The following OTUB1 variants were observed in gnomAD, a reference collection of about 807,000 sequenced individuals.
OTUB1 encodes the protein OTU deubiquitinase, ubiquitin aldehyde binding 1.
Under a neutral mutation model 35.8 loss-of-function variants are expected in OTUB1, and 10 were observed. The observed-to-expected ratio is 0.28, with a 90% CI of 0.17 to 0.47. The LOEUF is 0.47. Ranked by LOEUF, OTUB1 falls within the 20% of genes least tolerant of loss-of-function variation. The probability of loss-of-function intolerance (pLI) is 0.99; values close to 1 mark genes in which losing one functional copy is unlikely to be tolerated. For synonymous variants in OTUB1, 158 were observed against 143.8 expected (o/e 1.10, Z -0.71); for missense variants, 264 against 351.6 (o/e 0.75, Z 1.99).
intron 3 of OTUB1, among the ~76,000 whole-genome samples, chr11:63,995,336 A>C (rs1413297519): frequency 6.6e-6 from 1 of 152,148 alleles, no homozygotes; most frequent in Non-Finnish European, 1.5e-5. Flanking sequence ...AGCTGGGATT[A>C]CAGGCATGCA....
chr11:63,992,555 T>A (rs1483754340), intron 3 of OTUB1, among the ~76,000 whole-genome samples: 1 of 151,702 alleles, frequency 6.6e-6, no homozygotes, highest in Non-Finnish European at 1.5e-5. Context: ...TTTTCTTTTT[T>A]TTTGAGAGAG....
chr11:63,994,244 A>G (rs1389511570), intron 3 of OTUB1, among the ~76,000 whole-genome samples: 1 of 152,132 alleles, frequency 6.6e-6, no homozygotes, highest in African/African-American at 2.4e-5. Context: ...CTAAGTGTGC[A>G]GTGACTGTTT....
intron 3 of OTUB1, chr11:63,989,031 A>C (rs1399194384): frequency 1.8e-5 from 6 of 332,422 alleles, no homozygotes; most frequent in Non-Finnish European, 3.3e-5. Flanking sequence ...AAAAAAAAAA[A>C]GGTGGGGGGC....
chr11:63,990,916 A>T (rs1368721631), intron 3 of OTUB1, among the ~76,000 whole-genome samples: 10 of 152,326 alleles, frequency 6.6e-5, no homozygotes, highest in African/African-American at 1.9e-4. Context: ...GAGAAGCCAG[A>T]GGTAACCACA....
At position 63,997,654 on chromosome 11, in the gene OTUB1, T is replaced by G; in HGVS notation, c.*108T>G. The G allele has an allele frequency of 1.1e-6, 1 of 886,770 alleles. No individual in the cohort carries two copies. Among genetic ancestry groups the G allele is most frequent in the Non-Finnish European group, 1.8e-6 (1 of 547,542 alleles). The allele number at this position is 886,770 out of a possible 1,614,324, so 54.9% of individuals were successfully genotyped here. ...TGGTCCTATTTCACCCCCTTCTTCC[T>G]GTCACATGACCCCCCCCCATGTTTT... On this transcript the variant is annotated 3_prime_UTR_variant, in exon 7 of 7. Transcript: ENST00000538426.
At chr11:63,993,255 G>T (rs1263403780) in intron 3 of OTUB1, among the ~76,000 whole-genome samples, 1 of 152,226 alleles carries the variant, frequency 6.6e-6, no homozygotes, top group Non-Finnish European at 1.5e-5. Flanking sequence ...GATCTCAGCT[G>T]CACTCAGTGG....
At position 63,998,325 on chromosome 11, in the gene OTUB1, TC is replaced by T; in HGVS notation, c.*783del. ...GCCTTTTTGCCTTCACCTCTTTTCT[TC>T]CCCGCCCCCTGCACATTCGGGGTCT... On this transcript the variant is annotated 3_prime_UTR_variant, in exon 7 of 7. Transcript: ENST00000538426. 1 of 170,826 alleles carries T rather than the reference TC, an allele frequency of 5.9e-6. No homozygotes were observed. The highest frequency in any genetic ancestry group is 1.3e-5 in the Non-Finnish European group (1 of 79,098). The allele number at this position is 170,826 out of a possible 1,614,324, so 10.6% of individuals were successfully genotyped here. A position where few individuals can be genotyped will look rare whatever the true frequency, so the allele number is the denominator to read the frequency against.
chr11:63,997,907 A>C lies in OTUB1; in HGVS notation c.*361A>C, dbSNP rs938982062. The C allele has an allele frequency of 1.0e-5, 6 of 601,912 alleles. No individual in the cohort carries two copies. Among genetic ancestry groups the C allele is most frequent in the African/African-American group, 7.4e-5 (4 of 53,710 alleles). The allele number at this position is 601,912 out of a possible 1,614,324, so 37.3% of individuals were successfully genotyped here. ...CTTCTTAGCTGGCTCAGGGGCTTCTATGGGATCCTGGAAGTTCCTTAGGGA... is the reference window on the plus strand; with the variant it reads ...CTTCTTAGCTGGCTCAGGGGCTTCTCTGGGATCCTGGAAGTTCCTTAGGGA... On this transcript the variant is annotated 3_prime_UTR_variant, in exon 7 of 7. Coordinates refer to ENST00000538426, the MANE Select transcript of OTUB1 (RefSeq NM_017670.3).
intron 1 of OTUB1, chr11:63,986,876 C>G (rs1942625818): frequency 8.7e-6 from 2 of 231,110 alleles, no homozygotes. Flanking sequence ...ACGCCAGGGC[C>G]GAGCCCCCCG....
chr11:63,986,548 T>C, intron 1 of OTUB1, 34 bp downstream of exon 1: 1 of 1,492,948 alleles, frequency 6.7e-7, no homozygotes, highest in Non-Finnish European at 9.1e-7. Context: ...CGGCCCGGGC[T>C]AGTGGGGGCG....
chr11:63,988,191 C>T, intron 1 of OTUB1, 146 bp from the exon 2 acceptor site: 2 of 620,018 alleles, frequency 3.2e-6, no homozygotes, highest in Non-Finnish European at 5.7e-6. Context: ...AGGAGAATTG[C>T]TTGCATCTGG....
intron 3 of OTUB1, chr11:63,990,597 A>AAAAAAAAAAAAAAAAAT (rs368773572): frequency 6.9e-6 from 1 of 144,834 alleles, no homozygotes; most frequent in African/African-American, 2.7e-5. Context: ...AAAAAATAAA[A>AAAAAAAAAAAAAAAAAT]AAATAAATAA....
chr11:63,991,158 G>A (rs1461122985), intron 3 of OTUB1, among the ~76,000 whole-genome samples: 1 of 151,874 alleles, frequency 6.6e-6, no homozygotes, highest in African/African-American at 2.4e-5. Context: ...GTGTGATCTC[G>A]GGCAACACCC....
intron 3 of OTUB1, among the ~76,000 whole-genome samples, chr11:63,995,516 C>CG (rs1942708862): frequency 1.3e-5 from 2 of 151,508 alleles, no homozygotes; most frequent in Admixed American, 6.6e-5. Flanking sequence ...TTTAGAGAGA[C>CG]GGGGGTCTCA....
In OTUB1 at chr11:63,998,155, G is replaced by A. The variant is rs1359281886; in HGVS notation, c.*609G>A. 2 of 280,670 alleles carry A rather than the reference G, an allele frequency of 7.1e-6. No homozygotes were observed. The highest frequency in any genetic ancestry group is 1.4e-5 in the Non-Finnish European group (2 of 146,176). 17.4% of individuals were successfully genotyped at this position (280,670 alleles called of 1,614,324 possible). ...CCCGGGCAGTGCCATCCTGGTGGGG[G>A]AGGGCAGCCTTCAAACGTGTGGGGT... is the stretch of plus-strand genomic sequence containing the variant. On this transcript the variant is annotated 3_prime_UTR_variant, in exon 7 of 7. Coordinates refer to ENST00000538426, the MANE Select transcript of OTUB1 (RefSeq NM_017670.3).
Position 63,997,701 on chromosome 11 carries a change from G to C in OTUB1, c.*155G>C. The stretch of plus-strand genomic sequence containing the variant: ...TTTTATTAAAGGGGGTGCTGGTGGT[G>C]AGCCGTGTGTGCGTGTCCCTGCTCT... On this transcript the variant is annotated 3_prime_UTR_variant, in exon 7 of 7. Coordinates refer to ENST00000538426, the MANE Select transcript of OTUB1 (RefSeq NM_017670.3). 1 of 729,368 alleles carries C rather than the reference G, an allele frequency of 1.4e-6. No homozygotes were observed. The highest frequency in any genetic ancestry group is 2.4e-6 in the Non-Finnish European group (1 of 409,686). The allele number at this position is 729,368 out of a possible 1,614,324, so 45.2% of individuals were successfully genotyped here.
chr11:63,987,016 C>G (rs1211352763), intron 1 of OTUB1: 1 of 154,998 alleles, frequency 6.5e-6, no homozygotes, highest in Non-Finnish European at 1.4e-5. Flanking sequence ...GGGATCTGTC[C>G]CTGAGGCCTG....
At chr11:63,989,005 A>C in intron 3 of OTUB1, 2 of 348,066 alleles carry the variant, frequency 5.7e-6, no homozygotes, top group Non-Finnish European at 1.0e-5. Flanking sequence ...TAAGAGCAAA[A>C]CTTCATCTCA....
chr11:63,991,117 G>A (rs1942668756), intron 3 of OTUB1, among the ~76,000 whole-genome samples: 1 of 152,180 alleles, frequency 6.6e-6, no homozygotes, highest in African/African-American at 2.4e-5. Context: ...GATGGGCCTG[G>A]GTTCCAGTCC....
Sources: allele counts gnomAD v4.1 joint callset (sites outside exome capture counted in the v4.1 genomes callset), GRCh38; gene constraint gnomAD v4.1.1; transcripts MANE v1.5; gene names NCBI Gene and HGNC (gene_info 2026-07-23, HGNC 2026-07-21).